MYO5A: variants seen among roughly 807,000 people sequenced by gnomAD.
MYO5A encodes unconventional myosin-Va.
MYO5A carries 98 observed loss-of-function variants against 249.7 expected under a neutral mutation model. The ratio of observed to expected loss-of-function variants is 0.39; its 90% CI spans 0.33 to 0.46. MYO5A has a LOEUF of 0.46. MYO5A is among the 20% of genes least tolerant of loss of function. The pLI is 0.98. For synonymous variants in MYO5A, 778 were observed against 810.6 expected (o/e 0.96, Z 0.68); for missense variants, 1,696 against 2,308.8 (o/e 0.73, Z 5.44).
chr15:52,367,916 A>ACAC (rs2141075623), intron 22 of MYO5A, among the ~76,000 whole-genome samples: 1 of 115,582 alleles, frequency 8.7e-6, no homozygotes, highest in African/African-American at 3.9e-5. Context: ...CACACACACA[A>ACAC]GTTGACTCTT....
intron 23 of MYO5A, among the ~76,000 whole-genome samples, chr15:52,365,689 T>G (rs1039765082): frequency 1.3e-5 from 2 of 152,242 alleles, no homozygotes; most frequent in African/African-American, 4.8e-5. Flanking sequence ...AGAGTAGGGC[T>G]TTAATAATTT....
In MYO5A at chr15:52,337,792, C is replaced by A; in HGVS notation, c.4314+18G>T. The A allele has an allele frequency of 6.6e-7, 1 of 1,513,886 alleles. No individual in the cohort carries two copies. Among genetic ancestry groups the A allele is most frequent in the Non-Finnish European group, 9.0e-7 (1 of 1,116,618 alleles). 93.8% of individuals were successfully genotyped at this position (1,513,886 alleles called of 1,614,324 possible). A position where few individuals can be genotyped will look rare whatever the true frequency, so the allele number is the denominator to read the frequency against. On this transcript the variant is annotated intron_variant, in intron 33 of 41. Coordinates refer to ENST00000399233, the MANE Select transcript of MYO5A (RefSeq NM_001382347.1). ...GTAGCAAGGGAAGACAGCAGAAAAG[C>A]ACTATGGTTTTACATACAATCATCC...
At chr15:52,517,404 G>A (rs1411246872) in intron 1 of MYO5A, among the ~76,000 whole-genome samples, 1 of 152,204 alleles carries the variant, frequency 6.6e-6, no homozygotes, top group African/African-American at 2.4e-5. Context: ...TTTTCAGTGG[G>A]CTGGGGGCGG....
intron 19 of MYO5A, among the ~76,000 whole-genome samples, chr15:52,375,947 TTAAAC>T (rs1488585438): frequency 6.4e-4 from 98 of 152,332 alleles, no homozygotes; most frequent in Middle Eastern, 6.8e-3. Context: ...TCAATTAAAA[TTAAAC>T]TAATAAGTAA....
At chr15:52,346,627 G>GCCCAC in intron 29 of MYO5A, 166 bp from the exon 30 acceptor site, 1 of 693,232 alleles carries the variant, frequency 1.4e-6, no homozygotes. Context: ...GGGGAGTTTG[G>GCCCAC]CCCAGGTAGT....
intron 3 of MYO5A, among the ~76,000 whole-genome samples, chr15:52,428,004 G>A (rs978586392): frequency 6.6e-6 from 1 of 152,114 alleles, no homozygotes; most frequent in Non-Finnish European, 1.5e-5. Flanking sequence ...AGTTAGTTCT[G>A]CATGGCTGAG....
At chr15:52,428,041 C>T (rs1362622421) in intron 3 of MYO5A, among the ~76,000 whole-genome samples, 2 of 152,190 alleles carry the variant, frequency 1.3e-5, no homozygotes, top group Non-Finnish European at 2.9e-5. Flanking sequence ...AACACTAAAT[C>T]TCTTGAACCT....
chr15:52,323,835 C>T (rs1340907901), intron 36 of MYO5A: 1 of 279,746 alleles, frequency 3.6e-6, no homozygotes, highest in Admixed American at 4.9e-5. Flanking sequence ...GAAACCCCGT[C>T]TCTACTAAAA....
intron 1 of MYO5A, among the ~76,000 whole-genome samples, chr15:52,452,528 C>T (rs927702508): frequency 2.0e-5 from 3 of 152,238 alleles, no homozygotes; most frequent in South Asian, 2.1e-4. Flanking sequence ...CTGGAAACTC[C>T]GCTCTTAAAC....
intron 1 of MYO5A, chr15:52,505,631 C>A (rs2077252747): frequency 7.4e-7 from 1 of 1,348,720 alleles, no homozygotes; most frequent in Non-Finnish European, 1.1e-6. Context: ...GATGTGAAAT[C>A]TTGGGATGAT....
At chr15:52,524,546 C>A (rs117674589) in intron 1 of MYO5A, among the ~76,000 whole-genome samples, 2 of 131,442 alleles carry the variant, frequency 1.5e-5, no homozygotes, top group Non-Finnish European at 3.4e-5. Flanking sequence ...AGAGTGAGAC[C>A]CTGAACCTAA....
At chr15:52,376,893 TCTGA>T (rs1156403116) in intron 18 of MYO5A, among the ~76,000 whole-genome samples, 1 of 152,228 alleles carries the variant, frequency 6.6e-6, no homozygotes, top group African/African-American at 2.4e-5. Flanking sequence ...GCTGACTCTC[TCTGA>T]CTGACCCAGG....
At chr15:52,478,200 A>T (rs931632205) in intron 1 of MYO5A, among the ~76,000 whole-genome samples, 2 of 152,046 alleles carry the variant, frequency 1.3e-5, no homozygotes, top group East Asian at 3.9e-4. Flanking sequence ...TGGGTGTGGG[A>T]CCCTCCGAGC....
intron 1 of MYO5A, among the ~76,000 whole-genome samples, chr15:52,477,184 T>C (rs1261090452): frequency 6.6e-6 from 1 of 152,228 alleles, no homozygotes; most frequent in Non-Finnish European, 1.5e-5. Flanking sequence ...TTGATCAAAT[T>C]GGCTACTGAA....
intron 5 of MYO5A, among the ~76,000 whole-genome samples, chr15:52,413,785 TTA>T (rs1262017561): frequency 3.9e-5 from 6 of 152,234 alleles, no homozygotes; most frequent in African/African-American, 1.4e-4. Flanking sequence ...CAAATTTTTC[TTA>T]ATCCAAATTC....
At chr15:52,520,015 C>T (rs540829168) in intron 1 of MYO5A, among the ~76,000 whole-genome samples, 2 of 152,306 alleles carry the variant, frequency 1.3e-5, no homozygotes, top group East Asian at 1.9e-4. Flanking sequence ...CAGGCATGAG[C>T]CACCGCACCT....
At chr15:52,429,055 A>AC (rs1444875206) in intron 2 of MYO5A, among the ~76,000 whole-genome samples, 1 of 152,164 alleles carries the variant, frequency 6.6e-6, no homozygotes, top group Non-Finnish European at 1.5e-5. Flanking sequence ...TGTGGTAAAA[A>AC]AGTAAATGAG....
At chr15:52,346,749 T>C (rs574000885) in intron 29 of MYO5A, 36 of 429,236 alleles carry the variant, frequency 8.4e-5, no homozygotes, top group South Asian at 6.9e-4. Context: ...ATGGGCCATA[T>C]ATGTGTTTTA....
At position 52,375,473 on chromosome 15, in the gene MYO5A, A is replaced by G. The variant is rs1167521461; in HGVS notation, c.2421-13T>C. The G allele has an allele frequency of 1.9e-6, 3 of 1,613,894 alleles. No homozygotes were observed. The highest frequency in any genetic ancestry group is 3.3e-5 in the Admixed American group (2 of 60,010). ...AAACTTAGCATAGCTGGCCAAAGAA[A>G]ATAACATTATGTTGTCAGTAATCAG... On this transcript the variant is annotated splice_polypyrimidine_tract_variant and intron_variant, in intron 19 of 41. Transcript: ENST00000399233.
Sources: gnomAD v4.1 joint callset for allele counts (sites outside exome capture counted in the v4.1 genomes callset) on GRCh38, gnomAD v4.1.1 for gene constraint, MANE v1.5 for transcripts, NCBI Gene and HGNC (gene_info 2026-07-23, HGNC 2026-07-21) for gene names.